The following DCAF6 variants were observed in gnomAD, a reference collection of about 807,000 sequenced individuals.
The protein encoded by DCAF6 is DDB1 and CUL4 associated factor 6, also known as DDB1- and CUL4-associated factor 6.
Under a neutral mutation model 125.1 loss-of-function variants are expected in DCAF6, and 54 were observed. That is an observed-to-expected ratio of 0.43 (90% CI 0.35 to 0.54). DCAF6 has a LOEUF of 0.54. Ranked by LOEUF, DCAF6 falls within the 20% of genes least tolerant of loss-of-function variation. The pLI is 0.01. For synonymous variants in DCAF6, 371 were observed against 390.4 expected, an observed-to-expected ratio of 0.95 and a Z score of 0.58; for missense variants, 934 against 1,161.7, an observed-to-expected ratio of 0.80 and a Z score of 2.85.
At chr1:167,971,980 C>T (rs773883007) in intron 3 of DCAF6, among the ~76,000 whole-genome samples, 8 of 152,188 alleles carry the variant, frequency 5.3e-5, no homozygotes, top group South Asian at 4.1e-4. Context: ...CTTAGCCTCC[C>T]GAGTAGCTGG....
the DCAF6 span, among the ~76,000 whole-genome samples, chr1:167,888,456 GT>G: frequency 1.3e-5 from 2 of 151,820 alleles, no homozygotes; most frequent in South Asian, 4.2e-4. Flanking sequence ...ACATTTTATA[GT>G]TTTCACGGTA....
intron 16 of DCAF6, among the ~76,000 whole-genome samples, chr1:168,047,450 G>T (rs1371050643): frequency 1.3e-5 from 2 of 152,046 alleles, no homozygotes; most frequent in Non-Finnish European, 2.9e-5. Flanking sequence ...ATCACATTTA[G>T]TTCCCTGCTT....
the DCAF6 span, among the ~76,000 whole-genome samples, chr1:167,921,468 C>T: frequency 2.0e-5 from 3 of 152,236 alleles, no homozygotes; most frequent in Non-Finnish European, 2.9e-5. Context: ...GTGATCCGCC[C>T]GCCTCAACCT....
intron 12 of DCAF6, among the ~76,000 whole-genome samples, chr1:168,033,529 G>A (rs1281514939): frequency 6.6e-6 from 1 of 151,900 alleles, no homozygotes; most frequent in African/African-American, 2.4e-5. Context: ...TTGTTAGCCA[G>A]GATGGTCTCG....
intron 16 of DCAF6, among the ~76,000 whole-genome samples, chr1:168,050,363 A>C (rs1468968233): frequency 1.3e-5 from 2 of 152,158 alleles, no homozygotes; most frequent in African/African-American, 4.8e-5. Context: ...ATTTCTCATT[A>C]TTGCAGTTTA....
chr1:167,911,150 T>C, the DCAF6 span, among the ~76,000 whole-genome samples: 1 of 152,156 alleles, frequency 6.6e-6, no homozygotes, highest in African/African-American at 2.4e-5. Flanking sequence ...TAAGAATGAG[T>C]GTTCAAACTG....
upstream of DCAF6, among the ~76,000 whole-genome samples, chr1:167,932,764 A>C (rs1245647677): frequency 1.3e-5 from 2 of 150,064 alleles, no homozygotes; most frequent in Non-Finnish European, 3.0e-5. Flanking sequence ...AGCCCAGATC[A>C]CACCACTGCA....
the DCAF6 span, chr1:167,875,319 T>A: frequency 2.4e-6 from 2 of 847,022 alleles, no homozygotes; most frequent in Non-Finnish European, 4.0e-6. Flanking sequence ...GACTCACGGG[T>A]CGCAAACGCC....
At chr1:167,947,361 A>G (rs1417012609) in intron 1 of DCAF6, among the ~76,000 whole-genome samples, 3 of 146,514 alleles carry the variant, frequency 2.0e-5, no homozygotes, top group Admixed American at 6.8e-5. Context: ...TTTTCAGTCC[A>G]TATTTCATTT....
the DCAF6 span, among the ~76,000 whole-genome samples, chr1:167,864,762 A>T: frequency 6.6e-6 from 1 of 152,178 alleles, no homozygotes; most frequent in African/African-American, 2.4e-5. Context: ...ACACTCTAAT[A>T]CCACTTTGTT....
At chr1:167,928,991 G>T in the DCAF6 span, among the ~76,000 whole-genome samples, 1 of 152,100 alleles carries the variant, frequency 6.6e-6, no homozygotes, top group African/African-American at 2.4e-5. Context: ...TTGTTTCTTT[G>T]AACAGTACTA....
chr1:167,952,636 G>C (rs913428476), intron 2 of DCAF6, among the ~76,000 whole-genome samples: 7 of 151,940 alleles, frequency 4.6e-5, no homozygotes, highest in African/African-American at 1.7e-4. Context: ...TGACTCCTCC[G>C]CATATGTTCC....
intron 10 of DCAF6, 103 bp from the exon 11 acceptor site, chr1:168,015,676 CAT>C (rs1485623508): frequency 2.8e-5 from 28 of 995,724 alleles, no homozygotes; most frequent in Admixed American, 3.7e-5. Flanking sequence ...CTCTATGAGA[CAT>C]GTGTTTTGTT....
intron 10 of DCAF6, among the ~76,000 whole-genome samples, chr1:168,012,279 C>G (rs1466234284): frequency 6.6e-6 from 1 of 152,322 alleles, no homozygotes; most frequent in East Asian, 1.9e-4. Context: ...TTTGTTGCGT[C>G]AACTGTAGCT....
intron 7 of DCAF6, among the ~76,000 whole-genome samples, chr1:168,001,658 T>C (rs1332531842): frequency 6.6e-6 from 1 of 152,008 alleles, no homozygotes; most frequent in Non-Finnish European, 1.5e-5. Flanking sequence ...TTCTTAAAAA[T>C]GATAAGAACC....
At chr1:167,947,452 C>T (rs565183009) in intron 1 of DCAF6, among the ~76,000 whole-genome samples, 43 of 151,298 alleles carry the variant, frequency 2.8e-4, no homozygotes, top group Non-Finnish European at 5.5e-4. Context: ...CCTCGAGGTG[C>T]GTTCTTAGAT....
chr1:168,032,961 G>GC (rs1687292298), intron 12 of DCAF6, among the ~76,000 whole-genome samples: 1 of 151,970 alleles, frequency 6.6e-6, no homozygotes, highest in East Asian at 1.9e-4. Context: ...TGGATATTTA[G>GC]ATCTATACCA....
chr1:167,891,655 C>CAAAA, the DCAF6 span, among the ~76,000 whole-genome samples: 2 of 107,702 alleles, frequency 1.9e-5, no homozygotes, highest in Admixed American at 9.7e-5. Context: ...GACTCTGTCT[C>CAAAA]AAAAAAAAAA....
chr1:167,891,853 A>G, the DCAF6 span, among the ~76,000 whole-genome samples: 5 of 152,194 alleles, frequency 3.3e-5, no homozygotes, highest in African/African-American at 1.2e-4. Context: ...AGGAATTGGT[A>G]TAGGGAATAA....
Sources: gnomAD v4.1 joint callset for allele counts (sites outside exome capture counted in the v4.1 genomes callset) on GRCh38, gnomAD v4.1.1 for gene constraint, MANE v1.5 for transcripts, NCBI Gene and HGNC (gene_info 2026-07-23, HGNC 2026-07-21) for gene names.